Variants in HYDIN observed in about 807,000 individuals in gnomAD.
HYDIN encodes the protein HYDIN axonemal central pair apparatus protein, also known as axonemal central pair apparatus protein HYDIN.
HYDIN carries 132 observed loss-of-function variants against 403.9 expected under a neutral mutation model. That is an observed-to-expected ratio of 0.33 (90% CI 0.28 to 0.38). The LOEUF (loss-of-function observed/expected upper bound fraction) is 0.38, where lower values mean the gene tolerates loss of function less well. Among genes scored for constraint, HYDIN ranks in the 10% least tolerant of loss-of-function variants. The pLI is 1.00. For missense variants in HYDIN, 2,827 were observed against 5,009.5 expected (o/e 0.56, Z 13.15); for synonymous variants, 1,202 against 1,891.7 (o/e 0.64, Z 9.46).
At chr16:71,166,103 T>G (rs2086213317) in intron 5 of HYDIN, among the ~76,000 whole-genome samples, 1 of 145,772 alleles carries the variant, frequency 6.9e-6, no homozygotes, top group African/African-American at 2.6e-5. Context: ...AGTCCAGGCA[T>G]GAGATGACAC....
At chr16:71,115,834 AAAAG>A (rs773551694) in intron 9 of HYDIN, 39 bp from the exon 10 acceptor site, 1 of 753,726 alleles carries the variant, frequency 1.3e-6, no homozygotes, top group East Asian at 2.5e-5. Flanking sequence ...ACAATATGAC[AAAAG>A]AAAGACACTG....
chr16:70,967,594 G>A (rs1410571757), intron 36 of HYDIN, among the ~76,000 whole-genome samples: 3 of 151,896 alleles, frequency 2.0e-5, no homozygotes, highest in Admixed American at 1.3e-4. Context: ...CCATTCCCCC[G>A]CCTCAGCCTC....
intron 54 of HYDIN, 114 bp downstream of exon 54, chr16:70,895,867 G>T (rs1310757856): frequency 7.1e-7 from 1 of 1,418,366 alleles, no homozygotes; most frequent in Non-Finnish European, 9.3e-7. Context: ...TATTAAAATT[G>T]CCCCATGCCC....
At chr16:70,917,437 C>G (rs1404651158) in intron 47 of HYDIN, among the ~76,000 whole-genome samples, 5 of 151,886 alleles carry the variant, frequency 3.3e-5, no homozygotes, top group Non-Finnish European at 7.4e-5. Flanking sequence ...TACGAGCTCT[C>G]TTTGCTGATG....
chr16:71,049,253 G>A (rs2081555919), intron 18 of HYDIN, among the ~76,000 whole-genome samples: 1 of 152,228 alleles, frequency 6.6e-6, no homozygotes, highest in South Asian at 2.1e-4. Flanking sequence ...AATGTCCCCT[G>A]CTAAGACAGC....
intron 1 of HYDIN, among the ~76,000 whole-genome samples, chr16:71,190,012 T>C (rs925716340): frequency 1.3e-5 from 2 of 152,128 alleles, no homozygotes; most frequent in Non-Finnish European, 2.9e-5. Context: ...CCTATAATCT[T>C]AACATTTAAA....
chr16:70,861,236 C>T (rs982635799), intron 69 of HYDIN, among the ~76,000 whole-genome samples: 14 of 152,290 alleles, frequency 9.2e-5, no homozygotes, highest in African/African-American at 3.1e-4. Context: ...ACCTGGAAAT[C>T]CTAAAAAAGT....
chr16:71,126,814 A>T (rs2084481998), intron 9 of HYDIN, among the ~76,000 whole-genome samples: 1 of 152,094 alleles, frequency 6.6e-6, no homozygotes, highest in South Asian at 2.1e-4. Context: ...TCCAATCTTC[A>T]GTTCAGATCG....
intron 47 of HYDIN, among the ~76,000 whole-genome samples, chr16:70,910,531 C>T (rs1169358661): frequency 6.6e-6 from 1 of 151,990 alleles, no homozygotes; most frequent in Admixed American, 6.6e-5. Flanking sequence ...GTGAATTGTG[C>T]TGCTATAAAC....
At chr16:71,054,670 A>G (rs529233483) in intron 18 of HYDIN, among the ~76,000 whole-genome samples, 2 of 151,628 alleles carry the variant, frequency 1.3e-5, no homozygotes, top group African/African-American at 4.8e-5. Flanking sequence ...CTGAAAATGG[A>G]TAGAGTCCAG....
chr16:70,922,281 G>C (rs747960834), intron 45 of HYDIN, among the ~76,000 whole-genome samples: 1 of 152,248 alleles, frequency 6.6e-6, no homozygotes, highest in East Asian at 1.9e-4. Flanking sequence ...GCTCTGCCAA[G>C]ACACCTGGGT....
intron 19 of HYDIN, among the ~76,000 whole-genome samples, chr16:71,030,263 G>A (rs1349552082): frequency 6.6e-6 from 1 of 151,802 alleles, no homozygotes; most frequent in Admixed American, 6.6e-5. Flanking sequence ...TGTTGCCCAG[G>A]CTGGTCTCCA....
At chr16:71,225,118 G>A (rs2040975865) in intron 1 of HYDIN, among the ~76,000 whole-genome samples, 1 of 152,198 alleles carries the variant, frequency 6.6e-6, no homozygotes, top group Non-Finnish European at 1.5e-5. Context: ...CCCTATGGGT[G>A]ATTTTCTGAG....
chr16:70,881,556 T>C (rs1247422836), intron 60 of HYDIN, among the ~76,000 whole-genome samples: 4 of 141,976 alleles, frequency 2.8e-5, no homozygotes, highest in African/African-American at 8.5e-5. Flanking sequence ...TGCAGTGAGC[T>C]GAGATTGCGC....
chr16:71,197,875 C>T (rs900425158), intron 1 of HYDIN, among the ~76,000 whole-genome samples: 1 of 152,106 alleles, frequency 6.6e-6, no homozygotes, highest in Non-Finnish European at 1.5e-5. Flanking sequence ...AGCCTCCCGA[C>T]TAGCTGGGAT....
In HYDIN at chr16:70,850,489, G is replaced by A. The variant is rs1342572420; in HGVS notation, c.12610C>T (p.Leu4204=). Residue 4204 remains leucine (L), a synonymous_variant, in exon 74 of 86, where the codon CTG becomes TTG. Coordinates refer to ENST00000393567, the MANE Select transcript of HYDIN (RefSeq NM_001270974.2). ...ATGTTAGTCTGGTTGGGAGTCAACA[G>A]AGTGATGGAGCCTGTCCTGTCCTTG... The part of the protein sequence containing the change: ...KCKDRTGSIT[L]LTPNQTNIIN... 5 of 1,597,922 alleles carry A rather than the reference G, an allele frequency of 3.1e-6. No individual in the cohort carries two copies. The highest frequency in any genetic ancestry group is 1.1e-5 in the South Asian group (1 of 89,830).
intron 1 of HYDIN, among the ~76,000 whole-genome samples, chr16:71,218,370 G>A (rs965711083): frequency 2.6e-5 from 4 of 152,162 alleles, no homozygotes; most frequent in Non-Finnish European, 4.4e-5. Context: ...GACAGGGCTG[G>A]GGAGCAGAAT....
chr16:70,994,818 T>C (rs1432012503), intron 23 of HYDIN, among the ~76,000 whole-genome samples: 2 of 148,420 alleles, frequency 1.3e-5, no homozygotes, highest in Non-Finnish European at 3.0e-5. Context: ...AGGACAATTC[T>C]GAACACTTAT....
intron 28 of HYDIN, 25 bp from the exon 29 acceptor site, chr16:70,981,593 G>A: frequency 6.2e-7 from 1 of 1,602,512 alleles, no homozygotes; most frequent in Non-Finnish European, 8.5e-7. Context: ...GACCAGAAAA[G>A]GGAAAACGAA....
Sources: gnomAD v4.1 joint callset for allele counts (sites outside exome capture counted in the v4.1 genomes callset) on GRCh38, gnomAD v4.1.1 for gene constraint, MANE v1.5 for transcripts, NCBI Gene and HGNC (gene_info 2026-07-23, HGNC 2026-07-21) for gene names.